RRBP1: variants seen among roughly 807,000 people sequenced by gnomAD.
RRBP1 encodes the protein ribosome binding protein 1.
Under a neutral mutation model 165.2 loss-of-function variants are expected in RRBP1, and 94 were observed. The observed-to-expected ratio is 0.57, with a 90% CI of 0.48 to 0.68. The LOEUF is 0.68. Among genes scored for constraint, RRBP1 ranks in the 30% least tolerant of loss-of-function variants. The probability of loss-of-function intolerance (pLI) is 0.00; values close to 1 mark genes in which losing one functional copy is unlikely to be tolerated. For synonymous variants in RRBP1, 680 were observed against 714.5 expected (o/e 0.95, Z 0.77); for missense variants, 1,676 against 1,763.0 (o/e 0.95, Z 0.88).
At chr20:17,654,763 C>T (rs562263559) in intron 3 of RRBP1, among the ~76,000 whole-genome samples, 2 of 152,280 alleles carry the variant, frequency 1.3e-5, no homozygotes, top group East Asian at 3.9e-4. Flanking sequence ...CTGTGGCTCT[C>T]GGGTCCTTCT....
chr20:17,652,005 C>T (rs1600761909), intron 3 of RRBP1, among the ~76,000 whole-genome samples: 3 of 152,270 alleles, frequency 2.0e-5, no homozygotes, highest in East Asian at 1.9e-4. Flanking sequence ...AGCCAGGTAA[C>T]AGGTAGGGCT....
At chr20:17,653,073 A>G (rs2036585800) in intron 3 of RRBP1, among the ~76,000 whole-genome samples, 1 of 152,154 alleles carries the variant, frequency 6.6e-6, no homozygotes, top group African/African-American at 2.4e-5. Flanking sequence ...GTGTGCCCGG[A>G]GCAGAGAAGG....
intron 11 of RRBP1, among the ~76,000 whole-genome samples, chr20:17,626,328 A>C (rs1331421309): frequency 2.0e-5 from 3 of 152,104 alleles, no homozygotes; most frequent in Non-Finnish European, 4.4e-5. Context: ...AACAAACACC[A>C]CCAGGAGAAA....
intron 5 of RRBP1, 56 bp downstream of exon 5, chr20:17,641,741 G>A (rs914770303): frequency 1.9e-6 from 3 of 1,599,666 alleles, no homozygotes; most frequent in Non-Finnish European, 1.7e-6. Flanking sequence ...GGATGGGGCG[G>A]GGGTCCTCTG....
At position 17,659,973 on chromosome 20, in the gene RRBP1, T is replaced by TCGG; in HGVS notation, c.532_534dup (p.Pro178dup). On this transcript the variant is annotated inframe_insertion, in exon 3 of 25. Coordinates refer to ENST00000377813, the MANE Select transcript of RRBP1 (RefSeq NM_001365613.2). Reference sequence around the variant, plus strand: ...GCACCCACTGGGGGCACCACCACCATCGGCACCTCCTTGGGAGCAGTTTCC... The same window carrying TCGG: ...GCACCCACTGGGGGCACCACCACCATCGGCGGCACCTCCTTGGGAGCAGTTTCC... The TCGG allele has an allele frequency of 6.2e-7, 1 of 1,606,800 alleles. No individual in the cohort carries two copies. Among genetic ancestry groups the TCGG allele is most frequent in the Non-Finnish European group, 8.5e-7 (1 of 1,176,202 alleles).
intron 1 of RRBP1, among the ~76,000 whole-genome samples, chr20:17,681,683 C>T (rs1480480188): frequency 6.7e-6 from 1 of 150,064 alleles, no homozygotes; most frequent in East Asian, 2.0e-4. Context: ...AACTTCGGAG[C>T]GCGCTGGCCG....
rs917248735 is a variant in RRBP1, at chr20:17,643,759, G to A, written c.1913-632C>T. Among the ~76,000 whole-genome samples, 6 of 152,216 alleles carry A rather than the reference G, an allele frequency of 3.9e-5. No individual in the cohort carries two copies. The highest frequency in any genetic ancestry group is 1.4e-4 in the African/African-American group (6 of 41,458). On this transcript the variant is annotated intron_variant, in intron 3 of 24. Coordinates refer to ENST00000377813, the MANE Select transcript of RRBP1 (RefSeq NM_001365613.2). The surrounding 1 kb of genome is among the most constrained non-coding windows in gnomAD (Gnocchi z 4.3). ...AGGGAAGGCTGGCTGGGTTCTTATAGAAAGGGCCTGTCCACTGGCCAGTCC... is the reference window on the plus strand; with the variant it reads ...AGGGAAGGCTGGCTGGGTTCTTATAAAAAGGGCCTGTCCACTGGCCAGTCC...
chr20:17,641,716 C>G (rs1352257897), intron 5 of RRBP1, 81 bp downstream of exon 5: 5 of 1,545,754 alleles, frequency 3.2e-6, no homozygotes, highest in Non-Finnish European at 4.4e-6. Context: ...CATCTCGGAG[C>G]CCGGGATCCA....
intron 2 of RRBP1, among the ~76,000 whole-genome samples, chr20:17,663,070 A>C (rs1443439523): frequency 1.3e-5 from 2 of 152,196 alleles, no homozygotes; most frequent in African/African-American, 4.8e-5. Context: ...AACGAACATT[A>C]GGGGCCTGGG....
chr20:17,614,765 T>C lies in RRBP1; in HGVS notation c.4166A>G (p.Lys1389Arg). The C allele has an allele frequency of 6.2e-7, 1 of 1,613,336 alleles. No homozygotes were observed. The highest frequency in any genetic ancestry group is 8.5e-7 in the Non-Finnish European group (1 of 1,180,016). ...CTTTTCCAGCTGTTCCTGCAGCTTC[T>C]TCACCGTGTCCTTCTCCCTTGCCAG... ...EQLAREKDTV[K>R]KLQEQLEKAE... The change falls in exon 24 of 25, where the codon AAG becomes AGG. Residue 1389 changes from lysine (K) to arginine (R), a missense_variant. Transcript: ENST00000377813.
intron 9 of RRBP1, 28 bp from the exon 10 acceptor site, chr20:17,627,710 T>G (rs1430745409): frequency 6.4e-7 from 1 of 1,558,656 alleles, no homozygotes; most frequent in Middle Eastern, 1.7e-4. Context: ...AAACGAGAAG[T>G]TAAGAGACTG....
At chr20:17,676,037 A>G (rs2037075299) in intron 2 of RRBP1, among the ~76,000 whole-genome samples, 1 of 152,166 alleles carries the variant, frequency 6.6e-6, no homozygotes, top group Non-Finnish European at 1.5e-5. Flanking sequence ...GCAAGACACC[A>G]TTTCTACAAA....
chr20:17,627,142 C>T (rs1289657290), intron 11 of RRBP1, among the ~76,000 whole-genome samples: 4 of 152,080 alleles, frequency 2.6e-5, no homozygotes, highest in Non-Finnish European at 5.9e-5. Flanking sequence ...GATGTGATCA[C>T]GAAGCTCTCT....
chr20:17,636,189 G>A (rs1365705857), intron 6 of RRBP1, among the ~76,000 whole-genome samples: 1 of 152,214 alleles, frequency 6.6e-6, no homozygotes, highest in Admixed American at 6.5e-5. Context: ...TTCAGGCCTT[G>A]GTATTATGGG....
intron 2 of RRBP1, among the ~76,000 whole-genome samples, chr20:17,675,037 A>C (rs964535391): frequency 2.0e-5 from 3 of 152,244 alleles, no homozygotes; most frequent in Admixed American, 6.5e-5. Context: ...GCCATGCATG[A>C]TGGACTCCCA....
intron 2 of RRBP1, among the ~76,000 whole-genome samples, chr20:17,672,964 C>T (rs2037005983): frequency 6.6e-6 from 1 of 152,134 alleles, no homozygotes; most frequent in South Asian, 2.1e-4. Flanking sequence ...GCAGGTATTC[C>T]CTGCCCACGA....
intron 3 of RRBP1, among the ~76,000 whole-genome samples, chr20:17,652,524 C>T (rs2036576550): frequency 6.6e-6 from 1 of 152,088 alleles, no homozygotes; most frequent in African/African-American, 2.4e-5. Flanking sequence ...CCCAGATCCC[C>T]GCAGCACAGC....
At chr20:17,623,511 C>T (rs2035954460) in intron 13 of RRBP1, among the ~76,000 whole-genome samples, 1 of 152,200 alleles carries the variant, frequency 6.6e-6, no homozygotes. Flanking sequence ...CCAAAAGCAA[C>T]CCGTGGGCTC....
intron 2 of RRBP1, among the ~76,000 whole-genome samples, chr20:17,661,057 G>A (rs1018786869): frequency 5.9e-5 from 9 of 152,182 alleles, no homozygotes; most frequent in Admixed American, 6.5e-5. Context: ...TTCTCTCAAC[G>A]TGAAATTGAC....
Sources: allele counts gnomAD v4.1 joint callset (sites outside exome capture counted in the v4.1 genomes callset), GRCh38; gene constraint gnomAD v4.1.1; non-coding constraint Gnocchi (gnomAD v3.1); transcripts MANE v1.5; gene names NCBI Gene and HGNC (gene_info 2026-07-23, HGNC 2026-07-21).